The following MAST3 variants were observed in gnomAD, a reference collection of about 807,000 sequenced individuals.
MAST3 encodes the protein microtubule-associated serine/threonine-protein kinase 3.
Under a neutral mutation model 127.0 loss-of-function variants are expected in MAST3, and 43 were observed. The observed-to-expected ratio is 0.34, with a 90% confidence interval of 0.27 to 0.44. The LOEUF is 0.44. Ranked by LOEUF, MAST3 falls within the 20% of genes least tolerant of loss-of-function variation. The probability of loss-of-function intolerance (pLI) is 1.00; values close to 1 mark genes in which losing one functional copy is unlikely to be tolerated. For synonymous variants in MAST3, 785 were observed against 809.2 expected (o/e 0.97, Z 0.51); for missense variants, 1,390 against 1,919.1 (o/e 0.72, Z 5.15).
rs568538034 is a variant in MAST3 at position 18,149,399 on chromosome 19, G to A, written c.3717G>A (p.Ser1239=). ...CCATCTCCGCGCCCCCACCCCGCTC[G>A]CCCTCGCCCCTGCCCGGGCACCCGC... The part of the protein sequence containing the change: ...CPPISAPPPR[S]PSPLPGHPPA... The change falls in exon 28 of 28, where the codon TCG becomes TCA. Residue 1239 remains serine, a synonymous_variant. Transcript: ENST00000687212. This position sits in a 1 kb window ranked among gnomAD's most constrained non-coding sequence, Gnocchi z 5.9. The A allele has an allele frequency of 2.2e-4, 320 of 1,453,594 alleles. No individual in the cohort carries two copies. The highest frequency in any genetic ancestry group is 1.9e-4 in the South Asian group (14 of 72,508). The allele number at this position is 1,453,594 out of a possible 1,614,324, so 90.0% of individuals were successfully genotyped here.
chr19:18,118,478 C>G (rs2039573744), intron 3 of MAST3, among the ~76,000 whole-genome samples: 1 of 152,142 alleles, frequency 6.6e-6, no homozygotes, highest in Non-Finnish European at 1.5e-5. Flanking sequence ...AGCGTCGCAG[C>G]TGGGGTGGTG....
intron 2 of MAST3, among the ~76,000 whole-genome samples, chr19:18,107,946 G>C (rs992784399): frequency 6.6e-6 from 1 of 152,138 alleles, no homozygotes; most frequent in Non-Finnish European, 1.5e-5. Context: ...GAACTGGCTT[G>C]AATGCCTCTC....
intron 27 of MAST3, among the ~76,000 whole-genome samples, chr19:18,148,475 G>GA (rs558348441): frequency 3.0e-4 from 44 of 145,018 alleles, no homozygotes; most frequent in East Asian, 1.8e-3. Flanking sequence ...AAACAAAAGG[G>GA]AAAAAAAAAA....
intron 13 of MAST3, 149 bp from the exon 14 acceptor site, chr19:18,130,345 G>T: frequency 7.3e-6 from 5 of 683,320 alleles, no homozygotes; most frequent in East Asian, 2.7e-5. Flanking sequence ...TGCTCTGGGA[G>T]GGGGAACAGG....
intron 5 of MAST3, chr19:18,122,226 G>A (rs1386302445): frequency 1.2e-5 from 8 of 665,374 alleles, no homozygotes; most frequent in Middle Eastern, 7.6e-4. Context: ...CACTTAACAA[G>A]AGCTGATTGA....
intron 21 of MAST3, among the ~76,000 whole-genome samples, chr19:18,142,786 G>A (rs547461012): frequency 1.8e-4 from 27 of 151,672 alleles, no homozygotes; most frequent in African/African-American, 6.3e-4. Context: ...GACTACAGGC[G>A]TGCACCACGG....
chr19:18,144,059 AG>A lies in MAST3; in HGVS notation c.2584+56del. 2 of 1,539,738 alleles carry A rather than the reference AG, an allele frequency of 1.3e-6. No homozygotes were observed. Among genetic ancestry groups the A allele is most frequent in the Non-Finnish European group, 1.7e-6 (2 of 1,143,336 alleles). On this transcript the variant is annotated intron_variant, in intron 22 of 27. Transcript: ENST00000687212. The surrounding 1 kb of genome is among the most constrained non-coding windows in gnomAD (Gnocchi z 4.0). ...TGATGTCATGGAAGTTTCCCAGAGGAGGGGCTATTTGAGATGGGTTTTCAAG... is the reference window on the plus strand; with the variant it reads ...TGATGTCATGGAAGTTTCCCAGAGGAGGGCTATTTGAGATGGGTTTTCAAG...
intron 21 of MAST3, 126 bp from the exon 22 acceptor site, chr19:18,143,637 A>T: frequency 8.3e-7 from 1 of 1,204,120 alleles, no homozygotes; most frequent in African/African-American, 1.5e-5. Flanking sequence ...GACAGAAGGA[A>T]CTCGTCCTGT....
chr19:18,141,994 G>A lies in MAST3; in HGVS notation c.2318G>A (p.Arg773His), dbSNP rs755699204. The change falls in exon 21 of 28, where the codon CGC (arginine) becomes CAC (histidine). Residue 773 changes from arginine (R) to histidine (H), a missense_variant. Physicochemically the swap from Arg to His is conservative, Grantham distance 29. This residue lies in a region of MAST3 where 816 missense variants were observed against 934.1 expected (regional missense o/e 0.87). Coordinates refer to ENST00000687212, the MANE Select transcript of MAST3 (RefSeq NM_001393504.1). ...GWERSEVDYG[R>H]RLSADIRLRS... ...GAGCGCAGCGAAGTGGACTATGGCC[G>A]CCGGCTGAGTGCTGACATCCGGTAA... 18 of 1,510,306 alleles carry A rather than the reference G, an allele frequency of 1.2e-5. No individual in the cohort carries two copies. The highest frequency in any genetic ancestry group is 6.6e-5 in the South Asian group (5 of 75,632). The allele number at this position is 1,510,306 out of a possible 1,614,324, so 93.6% of individuals were successfully genotyped here.
chr19:18,107,909 A>G (rs2038197230), intron 2 of MAST3, among the ~76,000 whole-genome samples: 1 of 152,166 alleles, frequency 6.6e-6, no homozygotes, highest in Admixed American at 6.6e-5. Context: ...CAGAGTCCAG[A>G]TGTTGAATTT....
chr19:18,142,973 A>G (rs1417587170), intron 21 of MAST3, among the ~76,000 whole-genome samples: 2 of 150,614 alleles, frequency 1.3e-5, no homozygotes, highest in South Asian at 2.2e-4. Flanking sequence ...TTAGCCGGGC[A>G]TAGTGGTGCA....
At chr19:18,122,526 G>A in intron 5 of MAST3, 147 bp from the exon 6 acceptor site, 1 of 703,202 alleles carries the variant, frequency 1.4e-6, no homozygotes, top group Non-Finnish European at 2.5e-6. Flanking sequence ...CAGTGGACTT[G>A]GTCAGCCTGT....
chr19:18,129,639 C>T (rs1045387642), intron 13 of MAST3, among the ~76,000 whole-genome samples: 3 of 152,174 alleles, frequency 2.0e-5, no homozygotes, highest in Non-Finnish European at 4.4e-5. Context: ...GAGTTTGGTG[C>T]TAGCGGTCTT....
In MAST3 at chr19:18,134,610, C is replaced by T; in HGVS notation, c.1603C>T (p.Leu535Phe). ...LLITSLGHIK[L>F]TDFGLSKIGL... ...CATCACCTCGCTTGGCCACATCAAG[C>T]TCACGGACTTCGGCCTGTCCAAGAT... The change falls in exon 16 of 28, where the codon CTC becomes TTC. Residue 535 changes from leucine (L) to phenylalanine (F), a missense_variant. Leu to Phe is a conservative substitution (Grantham distance 22, BLOSUM62 0). This residue lies in a region of MAST3 where 191 missense variants were observed against 409.0 expected (regional missense o/e 0.47). Coordinates refer to ENST00000687212, the MANE Select transcript of MAST3 (RefSeq NM_001393504.1). 1 of 1,613,040 alleles carries T rather than the reference C, an allele frequency of 6.2e-7. No individual in the cohort carries two copies. The highest frequency in any genetic ancestry group is 8.5e-7 in the Non-Finnish European group (1 of 1,179,470).
intron 20 of MAST3, among the ~76,000 whole-genome samples, chr19:18,140,483 C>A (rs1362156712): frequency 6.6e-6 from 1 of 152,188 alleles, no homozygotes; most frequent in Non-Finnish European, 1.5e-5. Flanking sequence ...TTGATTCCCC[C>A]AAAAATTTGT....
At position 18,144,829 on chromosome 19, in the gene MAST3, G is replaced by C; in HGVS notation, c.2812+136G>C. On this transcript the variant is annotated intron_variant, in intron 23 of 27. Coordinates refer to ENST00000687212, the MANE Select transcript of MAST3 (RefSeq NM_001393504.1). This position sits in a 1 kb window ranked among gnomAD's most constrained non-coding sequence, Gnocchi z 4.0. ...GAGGAGTAGGACACATGGAGAGCTG[G>C]GGAGATGGTGTTCCCAGTAGAGGGC... 1 of 1,037,404 alleles carries C rather than the reference G, an allele frequency of 9.6e-7. No homozygotes were observed. The highest frequency in any genetic ancestry group is 1.6e-5 in the African/African-American group (1 of 63,786). The allele number at this position is 1,037,404 out of a possible 1,614,324, so 64.3% of individuals were successfully genotyped here.
At chr19:18,135,989 A>C in intron 18 of MAST3, 148 bp downstream of exon 18, 1 of 606,288 alleles carries the variant, frequency 1.6e-6, no homozygotes. Flanking sequence ...TGAAGGATGC[A>C]CAGGAGTTCT....
chr19:18,137,791 C>G (rs970687568), intron 19 of MAST3, among the ~76,000 whole-genome samples: 1 of 152,214 alleles, frequency 6.6e-6, no homozygotes, highest in African/African-American at 2.4e-5. Context: ...TCTCTCTCCC[C>G]ACTTGGGGTT....
In MAST3 at chr19:18,130,492, A is replaced by G; in HGVS notation, c.1224-2A>G. Reference sequence around the variant, plus strand: ...CCAGCAAGCCTGGCCCTCTGTCCCCAGGGCCGTCTACCTGGTGCGGCACCG... The same window carrying G: ...CCAGCAAGCCTGGCCCTCTGTCCCCGGGGCCGTCTACCTGGTGCGGCACCG... On this transcript the variant is annotated splice_acceptor_variant, in intron 13 of 27. Transcript: ENST00000687212. LOFTEE classifies it high-confidence loss of function. The G allele has an allele frequency of 1.3e-6, 2 of 1,591,874 alleles. No individual in the cohort carries two copies.
Sources: gnomAD v4.1 joint callset for allele counts (sites outside exome capture counted in the v4.1 genomes callset) on GRCh38, gnomAD v4.1.1 for gene constraint, gnomAD v4.1.1 regional missense constraint, Gnocchi (gnomAD v3.1) non-coding constraint, MANE v1.5 for transcripts, NCBI Gene and HGNC (gene_info 2026-07-23, HGNC 2026-07-21) for gene names.